Variants in DAB1 observed in about 807,000 individuals in gnomAD.
DAB1 encodes disabled homolog 1.
In DAB1, 15 loss-of-function variants were observed where a neutral mutation model predicts 64.6. The ratio of observed to expected loss-of-function variants is 0.23; its 90% confidence interval spans 0.16 to 0.36. The LOEUF (loss-of-function observed/expected upper bound fraction) is 0.36. DAB1 is among the 10% of genes least tolerant of loss of function. The probability of loss-of-function intolerance (pLI) is 1.00; values close to 1 mark genes in which losing one functional copy is unlikely to be tolerated. For synonymous variants in DAB1, 235 were observed against 251.9 expected (o/e 0.93, Z 0.64); for missense variants, 596 against 706.7 (o/e 0.84, Z 1.78).
chr1:57,677,577 G>A (rs976423524), intron 6 of DAB1, among the ~76,000 whole-genome samples: 4 of 152,094 alleles, frequency 2.6e-5, no homozygotes, highest in East Asian at 1.9e-4. Flanking sequence ...TTCATACCAC[G>A]TGGCAATGAT....
intron 1 of DAB1, among the ~76,000 whole-genome samples, chr1:57,365,190 GAATA>G (rs1031814354): frequency 7.5e-6 from 1 of 132,878 alleles, no homozygotes; most frequent in African/African-American, 2.8e-5. Context: ...TATATATAAA[GAATA>G]TATATAAATA....
chr1:58,078,142 A>G (rs1649769252), intron 5 of DAB1: 1 of 152,228 alleles, frequency 6.6e-6, no homozygotes, highest in South Asian at 2.1e-4. Flanking sequence ...TTGGGGCTCA[A>G]GCATTCCCTG....
chr1:58,044,576 G>C (rs1032493895), intron 5 of DAB1, among the ~76,000 whole-genome samples: 5 of 151,982 alleles, frequency 3.3e-5, no homozygotes, highest in Non-Finnish European at 7.4e-5. Context: ...TATAATTATT[G>C]ACAATGTACT....
chr1:57,105,703 A>G (rs2100705340), intron 4 of DAB1, among the ~76,000 whole-genome samples: 1 of 152,316 alleles, frequency 6.6e-6, no homozygotes. Flanking sequence ...AATGCCAATT[A>G]AACAGTCTGC....
intron 5 of DAB1, among the ~76,000 whole-genome samples, chr1:58,071,264 G>A (rs1185387370): frequency 6.6e-6 from 1 of 152,120 alleles, no homozygotes; most frequent in Non-Finnish European, 1.5e-5. Flanking sequence ...ATTCTCTGAT[G>A]TGATCTGTAC....
chr1:58,008,326 T>C lies in DAB1; in HGVS notation n.388-124164A>G, dbSNP rs144480683. On this transcript the variant is annotated intron_variant and non_coding_transcript_variant, in intron 5 of 20. Coordinates refer to the DAB1 transcript ENST00000485760. ...GATCTTGTGGTAAATAATTATAATA[T>C]AGGGTAAAGGTAAAAATGGGCCAAA... Among the ~76,000 whole-genome samples, 1,086 of 152,048 alleles carry C rather than the reference T, an allele frequency of 7.1e-3. 20 individuals are homozygous for C. Among genetic ancestry groups the C allele is most frequent in the African/African-American group, 0.025 (1,030 of 41,464 alleles).
chr1:57,234,400 T>G (rs59069448), intron 2 of DAB1, among the ~76,000 whole-genome samples: 5 of 152,174 alleles, frequency 3.3e-5, no homozygotes, highest in Non-Finnish European at 7.3e-5. Context: ...TTAATTTCCA[T>G]ATTTATAAAG....
chr1:57,301,373 A>T (rs1337722316), intron 1 of DAB1, among the ~76,000 whole-genome samples: 1 of 152,156 alleles, frequency 6.6e-6, no homozygotes, highest in Non-Finnish European at 1.5e-5. Flanking sequence ...TTTAGCCATG[A>T]TACCATTCCT....
intron 7 of DAB1, among the ~76,000 whole-genome samples, chr1:57,490,143 C>G (rs536973425): frequency 6.6e-6 from 1 of 152,176 alleles, no homozygotes; most frequent in Non-Finnish European, 1.5e-5. Context: ...CTCAGCCTCC[C>G]AAATGGTGAG....
chr1:58,382,387 G>T (rs143738892), intron 3 of DAB1, among the ~76,000 whole-genome samples: 2 of 152,186 alleles, frequency 1.3e-5, no homozygotes, highest in Admixed American at 6.5e-5. Flanking sequence ...CCACCTGACT[G>T]TCAGAAGACC....
In DAB1 at chr1:57,026,046, G is replaced by A; in HGVS notation, c.724-3C>T. ...AAAAGTTCTAATTGGGTCACAGCCT[G>A]TAAAGACAAAAAGGTAATCATGTGA... On this transcript the variant is annotated splice_region_variant and splice_polypyrimidine_tract_variant and intron_variant, in intron 9 of 14. Transcript: ENST00000371236. 5.0e-6 allele frequency: 8 copies of A among 1,601,312 alleles called. No homozygotes were observed. The highest frequency in any genetic ancestry group is 6.8e-6 in the Non-Finnish European group (8 of 1,174,652).
At chr1:57,795,690 GATATATATATATATAT>G (rs3081038) in intron 6 of DAB1, among the ~76,000 whole-genome samples, 728 of 69,104 alleles carry the variant, frequency 0.011, 45 homozygotes, top group Middle Eastern at 0.078. Context: ...TATGCTTGGA[GATATATATATATATAT>G]ATATATATAT....
chr1:57,068,665 A>AG (rs1444297908), intron 8 of DAB1, among the ~76,000 whole-genome samples: 1 of 152,198 alleles, frequency 6.6e-6, no homozygotes. Flanking sequence ...GCTATACGGC[A>AG]GTTACACAGA....
At chr1:58,404,444 T>A (rs1353455446) in intron 3 of DAB1, among the ~76,000 whole-genome samples, 2 of 152,214 alleles carry the variant, frequency 1.3e-5, no homozygotes, top group African/African-American at 4.8e-5. Flanking sequence ...ATCTCTCTAA[T>A]CATCAGGACC....
At chr1:57,193,733 A>G (rs1255389212) in intron 2 of DAB1, among the ~76,000 whole-genome samples, 1 of 152,184 alleles carries the variant, frequency 6.6e-6, no homozygotes, top group African/African-American at 2.4e-5. Flanking sequence ...AAATATTTCC[A>G]AATTTCCACT....
chr1:58,535,321 G>A (rs540079680), intron 1 of DAB1, among the ~76,000 whole-genome samples: 6 of 152,096 alleles, frequency 3.9e-5, no homozygotes, highest in Admixed American at 2.0e-4. Flanking sequence ...ATCAACAAGC[G>A]GCTGGGCATG....
chr1:58,339,582 A>C (rs1020136852), intron 4 of DAB1, among the ~76,000 whole-genome samples: 3 of 152,194 alleles, frequency 2.0e-5, no homozygotes, highest in Non-Finnish European at 4.4e-5. Flanking sequence ...GGGGAAAGAG[A>C]GTCTGACATT....
intron 3 of DAB1, among the ~76,000 whole-genome samples, chr1:58,442,476 A>T (rs1365222721): frequency 6.6e-6 from 1 of 152,148 alleles, no homozygotes; most frequent in Non-Finnish European, 1.5e-5. Flanking sequence ...GCCTCCTGAA[A>T]CCTTCTTATT....
At chr1:57,777,081 G>C (rs1649836190) in intron 6 of DAB1, among the ~76,000 whole-genome samples, 1 of 146,178 alleles carries the variant, frequency 6.8e-6, no homozygotes, top group Admixed American at 6.8e-5. Flanking sequence ...CAGGATACTA[G>C]GTTGACAGCT....
Sources: gnomAD v4.1 joint callset for allele counts (sites outside exome capture counted in the v4.1 genomes callset) on GRCh38, gnomAD v4.1.1 for gene constraint, MANE v1.5 for transcripts, NCBI Gene and HGNC (gene_info 2026-07-23, HGNC 2026-07-21) for gene names.